The following UNC80 variants were observed in gnomAD, a reference collection of about 807,000 sequenced individuals.
UNC80 encodes unc-80 subunit of NALCN channel complex.
A neutral mutation model predicts 384.6 loss-of-function variants in UNC80; 164 were observed. The ratio of observed to expected loss-of-function variants is 0.43; its 90% CI spans 0.38 to 0.49. The LOEUF (loss-of-function observed/expected upper bound fraction) is 0.49. Ranked by LOEUF, UNC80 falls within the 20% of genes least tolerant of loss-of-function variation. UNC80 has a pLI of 0.00. For missense variants in UNC80, 3,330 were observed against 4,143.0 expected (o/e 0.80, Z 5.39); for synonymous variants, 1,486 against 1,527.8 (o/e 0.97, Z 0.64).
chr2:209,941,800 G>C (rs2091650232), intron 44 of UNC80, among the ~76,000 whole-genome samples: 1 of 152,184 alleles, frequency 6.6e-6, no homozygotes, highest in African/African-American at 2.4e-5. Context: ...CTGGTCAGGT[G>C]TGGTGGCTCA....
chr2:209,894,259 T>C lies in UNC80; in HGVS notation c.4373T>C (p.Ile1458Thr), dbSNP rs2124915750. The change falls in exon 27 of 65, where the codon ATT becomes ACT. Residue 1458 changes from isoleucine (I) to threonine (T), a missense_variant. This residue lies in a region of UNC80 where 801 missense variants were observed against 950.8 expected (regional missense o/e 0.84). Coordinates refer to ENST00000673920, the MANE Select transcript of UNC80 (RefSeq NM_001371986.1). ...QVKKGGSLSS[I>T]RRVGSLKSSK... is the part of the protein sequence containing the mutation. ...AAGAAGGGGGGTTCCTTGTCCAGCA[T>C]TCGCCGGGTCGGCAGCTTAAAGAGC... The C allele has an allele frequency of 1.0e-6, 1 of 985,396 alleles. No individual in the cohort carries two copies. Among genetic ancestry groups the C allele is most frequent in the Middle Eastern group, 5.2e-4 (1 of 1,914 alleles). 61.0% of individuals were successfully genotyped at this position (985,396 alleles called of 1,614,324 possible).
At chr2:209,805,600 C>T (rs2078840989) in intron 7 of UNC80, among the ~76,000 whole-genome samples, 2 of 152,176 alleles carry the variant, frequency 1.3e-5, no homozygotes, top group Admixed American at 6.5e-5. Flanking sequence ...CAATTCCTCA[C>T]CATCTGTGTC....
intron 47 of UNC80, 72 bp downstream of exon 47, chr2:209,946,015 A>G: frequency 9.2e-7 from 1 of 1,091,950 alleles, no homozygotes; most frequent in Non-Finnish European, 1.4e-6. Context: ...GAATGAATAC[A>G]AAGGTTATGC....
In UNC80 at chr2:209,815,368, C is replaced by G. The variant is rs770083918; in HGVS notation, c.1312C>G (p.Leu438Val). 1 of 1,551,370 alleles carries G rather than the reference C, an allele frequency of 6.4e-7. No homozygotes were observed. Among genetic ancestry groups the G allele is most frequent in the Non-Finnish European group, 8.7e-7 (1 of 1,146,870 alleles). Residue 438 changes from leucine (L) to valine (V), a missense_variant, in exon 9 of 65, where the codon CTG becomes GTG. Coordinates refer to ENST00000673920, the MANE Select transcript of UNC80 (RefSeq NM_001371986.1). ...RSAVPDLSSD[L>V]GMNIFKKFKS... ...TGCAGTCCCAGATCTTTCTTCAGAC[C>G]TGGGCATGAATATTTTTAAAAAGGT...
chr2:209,912,827 A>C (rs944532403), intron 30 of UNC80, among the ~76,000 whole-genome samples, 160 bp downstream of exon 30: 1 of 152,184 alleles, frequency 6.6e-6, no homozygotes, highest in African/African-American at 2.4e-5. Context: ...GTGTGCCAGG[A>C]AAAAAGAAAT....
At chr2:209,827,079 A>AT (rs1458131237) in intron 14 of UNC80, among the ~76,000 whole-genome samples, 1 of 151,992 alleles carries the variant, frequency 6.6e-6, no homozygotes, top group African/African-American at 2.4e-5. Flanking sequence ...TGGGGGTTAT[A>AT]TTTGCACTAT....
intron 6 of UNC80, among the ~76,000 whole-genome samples, chr2:209,790,337 T>A (rs1022505196): frequency 6.6e-6 from 1 of 152,202 alleles, no homozygotes; most frequent in African/African-American, 2.4e-5. Context: ...CCAACTGTTA[T>A]TACTCAGGAA....
chr2:209,870,322 G>A (rs1041312334), intron 22 of UNC80, among the ~76,000 whole-genome samples: 3 of 152,130 alleles, frequency 2.0e-5, no homozygotes, highest in Admixed American at 1.3e-4. Flanking sequence ...AGAGACAAAC[G>A]TTCCAACCTT....
Position 209,937,585 on chromosome 2 carries a change from T to A in UNC80, c.6420T>A (p.Leu2140=). 6.4e-7 allele frequency: 1 copy of A among 1,551,954 alleles called. No homozygotes were observed. Among genetic ancestry groups the A allele is most frequent in the Non-Finnish European group, 8.7e-7 (1 of 1,146,914 alleles). The stretch of plus-strand genomic sequence containing the variant: ...GGTCAGTATCTCCCCAGCTGAATCT[T>A]GTACATATGCATCCAGAGAAGGGAC... ...FRRSVSPQLN[L]VHMHPEKGQE... The change falls in exon 42 of 65, where the codon CTT becomes CTA. Residue 2140 remains leucine (L), a synonymous_variant. Transcript: ENST00000673920.
intron 61 of UNC80, among the ~76,000 whole-genome samples, chr2:209,988,916 C>T (rs2093341732): frequency 1.3e-5 from 2 of 152,078 alleles, no homozygotes; most frequent in Admixed American, 1.3e-4. Context: ...AAGATGTTAG[C>T]TTCAATTTAG....
At position 209,973,110 on chromosome 2, in the gene UNC80, A is replaced by G. The variant is rs1179666257; in HGVS notation, c.8427A>G (p.Thr2809=). The change falls in exon 56 of 65, where the codon ACA becomes ACG. Residue 2809 remains threonine (T), a synonymous_variant. Transcript: ENST00000673920. The part of the protein sequence containing the change: ...EQPEVQLLLQ[T]VINVLLPPRI... The stretch of plus-strand genomic sequence containing the variant: ...CTGAGGTGCAGCTGCTGCTGCAGAC[A>G]GTCATCAATGTACTCCTCCCACCGC... 2.6e-6 allele frequency: 4 copies of G among 1,551,490 alleles called. No homozygotes were observed. The highest frequency in any genetic ancestry group is 4.9e-5 in the East Asian group (2 of 40,926).
rs1459931597 is a variant in UNC80 at position 209,815,273 on chromosome 2, G to A, written c.1217G>A (p.Cys406Tyr). ...THKTQDLTMK[C>Y]NEEEKSLSSE... is the part of the protein sequence containing the mutation. ...TTTATTAAGGATCTCACCATGAAGT[G>A]TAACGAGGAGGAAAAATCTCTTAGC... Residue 406 changes from cysteine to tyrosine, a missense_variant, in exon 9 of 65, where the codon TGT (cysteine) becomes TAT (tyrosine). Cys to Tyr is a radical substitution (Grantham distance 194). Transcript: ENST00000673920. The A allele has an allele frequency of 9.0e-6, 14 of 1,551,632 alleles. No individual in the cohort carries two copies. In the South Asian group the frequency reaches 1.5e-4, roughly 17 times the overall value.
intron 41 of UNC80, 112 bp downstream of exon 41, chr2:209,937,045 C>T (rs2091295928): frequency 1.5e-6 from 1 of 680,110 alleles, no homozygotes; most frequent in Non-Finnish European, 2.6e-6. Flanking sequence ...AATAGTATGG[C>T]CACCTGGGTC....
intron 10 of UNC80, 105 bp downstream of exon 10, chr2:209,817,230 A>G (rs1429695649): frequency 2.7e-6 from 3 of 1,123,764 alleles, no homozygotes; most frequent in South Asian, 1.6e-5. Flanking sequence ...AATTCAGCCA[A>G]GAAATTTGGG....
Position 209,829,261 on chromosome 2 carries a change from G to C in UNC80, c.2508G>C (p.Lys836Asn), listed in dbSNP as rs1254986393. ...AGAACTGCCTCACTAAGCTATACAA[G>C]CTAGATAAGATGCAGTTCCGACAAA... ...NAQNCLTKLY[K>N]LDKMQFRQTM... The change falls in exon 15 of 65, where the codon AAG becomes AAC. Residue 836 changes from lysine (K) to asparagine (N), a missense_variant. Transcript: ENST00000673920. The C allele has an allele frequency of 2.6e-6, 4 of 1,551,240 alleles. No individual in the cohort carries two copies. Among genetic ancestry groups the C allele is most frequent in the Admixed American group, 2.0e-5 (1 of 50,964 alleles).
Position 209,941,496 on chromosome 2 carries a change from A to G in UNC80, c.6915+7A>G, listed in dbSNP as rs1369864893. On this transcript the variant is annotated splice_region_variant and intron_variant, in intron 44 of 64. Coordinates refer to ENST00000673920, the MANE Select transcript of UNC80 (RefSeq NM_001371986.1). Reference sequence around the variant, plus strand: ...TCTCCCCACCATGCTGCAGGTGCCCAGAACCTCCTCTCCCAACCAGAAAAT... The same window carrying G: ...TCTCCCCACCATGCTGCAGGTGCCCGGAACCTCCTCTCCCAACCAGAAAAT... 9.2e-6 allele frequency: 14 copies of G among 1,526,112 alleles called. No individual in the cohort carries two copies. The Middle Eastern group carries it at 5.7e-4, about 62-fold the overall frequency. The allele number at this position is 1,526,112 out of a possible 1,614,324, so 94.5% of individuals were successfully genotyped here.
At chr2:209,915,860 A>G (rs1199604278) in intron 31 of UNC80, among the ~76,000 whole-genome samples, 1 of 152,204 alleles carries the variant, frequency 6.6e-6, no homozygotes, top group Non-Finnish European at 1.5e-5. Context: ...ATATTTTAAA[A>G]TAGCTAGAAG....
chr2:209,835,643 TTC>T (rs2081284341), intron 18 of UNC80, among the ~76,000 whole-genome samples: 1 of 152,248 alleles, frequency 6.6e-6, no homozygotes, highest in African/African-American at 2.4e-5. Context: ...TTTGTATTTT[TTC>T]TCTTTTTGAG....
At chr2:209,930,712 A>G (rs2090790440) in intron 37 of UNC80, among the ~76,000 whole-genome samples, 2 of 152,202 alleles carry the variant, frequency 1.3e-5, no homozygotes, top group Non-Finnish European at 2.9e-5. Context: ...CACAGTGTCA[A>G]TTTAAAAAGA....
Sources: allele counts gnomAD v4.1 joint callset (sites outside exome capture counted in the v4.1 genomes callset), GRCh38; gene constraint gnomAD v4.1.1; regional missense constraint gnomAD v4.1.1; transcripts MANE v1.5; gene names NCBI Gene and HGNC (gene_info 2026-07-23, HGNC 2026-07-21).